The following NEXMIF variants were observed in gnomAD, a reference collection of about 807,000 sequenced individuals.
NEXMIF encodes neurite extension and migration factor.
A neutral mutation model predicts 62.1 loss-of-function variants in NEXMIF; 8 were observed. That is an observed-to-expected ratio of 0.13 (90% CI 0.08 to 0.23). The LOEUF is 0.23. Among genes scored for constraint, NEXMIF ranks in the 10% least tolerant of loss-of-function variants. NEXMIF has a pLI of 1.00. For synonymous variants in NEXMIF, 404 were observed against 416.6 expected, an observed-to-expected ratio of 0.97 and a Z score of 0.37; for missense variants, 976 against 1,113.3, an observed-to-expected ratio of 0.88 and a Z score of 1.75.
At chrX:74,870,328 A>C (rs1225139906) in intron 1 of NEXMIF, among the ~76,000 whole-genome samples, 1 of 111,461 alleles carries the variant, frequency 9.0e-6, no homozygotes, top group Non-Finnish European at 1.9e-5. Context: ...AAATCAAAAT[A>C]GATTAAAGAC....
At position 74,747,869 on chromosome X, in the gene NEXMIF, G is replaced by A. The variant is rs2010507; in HGVS notation, c.-47-2172C>T. ...GATCTCAAGCGATCCAACTGCCTCA[G>A]CCTCCTGAAGTGCTGGATTACAGGC... On this transcript the variant is annotated intron_variant, in intron 1 of 3. Coordinates refer to ENST00000055682, the MANE Select transcript of NEXMIF (RefSeq NM_001008537.3). 4.5e-3 allele frequency among the ~76,000 whole-genome samples: 504 copies of A among 112,192 alleles called. 3 individuals are homozygous for A. Among genetic ancestry groups the A allele is most frequent in the African/African-American group, 0.015 (471 of 30,944 alleles).
intron 1 of NEXMIF, among the ~76,000 whole-genome samples, chrX:74,871,953 C>A (rs963877505): frequency 1.8e-5 from 2 of 111,260 alleles, no homozygotes; most frequent in African/African-American, 6.5e-5. Context: ...ACATCCTCAG[C>A]TTACAAAGAT....
intron 1 of NEXMIF, among the ~76,000 whole-genome samples, chrX:74,838,155 T>C (rs945766180): frequency 1.8e-5 from 2 of 111,483 alleles, no homozygotes; most frequent in African/African-American, 3.3e-5. Context: ...AAGAATAAAA[T>C]ATTGAATCCA....
intron 1 of NEXMIF, 121 bp from the exon 2 acceptor site, chrX:74,745,818 T>G (rs1471759815): frequency 1.2e-5 from 5 of 426,757 alleles, no homozygotes; most frequent in Non-Finnish European, 1.6e-5. Context: ...CAGATTGACT[T>G]CATCACTGCT....
chrX:74,751,623 C>CCCTTCCTCCCTTCCTTCCTT (rs2080143006), intron 1 of NEXMIF, among the ~76,000 whole-genome samples: 4 of 87,303 alleles, frequency 4.6e-5, no homozygotes, highest in African/African-American at 1.9e-4. Context: ...TACCATCACG[C>CCCTTCCTCCCTTCCTTCCTT]CCTTCCTTCC....
At chrX:74,807,778 A>C (rs1443027361) in intron 1 of NEXMIF, among the ~76,000 whole-genome samples, 1 of 111,767 alleles carries the variant, frequency 8.9e-6, no homozygotes, top group Non-Finnish European at 1.9e-5. Flanking sequence ...TCCTTGTCTT[A>C]CTGAATTAGC....
chrX:74,908,137 A>G (rs1446869069), intron 1 of NEXMIF, among the ~76,000 whole-genome samples: 5 of 111,882 alleles, frequency 4.5e-5, no homozygotes, highest in African/African-American at 1.6e-4. Context: ...GATCAGAGAA[A>G]GGCTGAGGAA....
intron 1 of NEXMIF, among the ~76,000 whole-genome samples, chrX:74,874,832 T>C (rs1276336900): frequency 9.8e-6 from 1 of 102,421 alleles, no homozygotes; most frequent in Non-Finnish European, 2.0e-5. Context: ...GTGATTTTTG[T>C]ACATTGATTT....
In NEXMIF at chrX:74,739,271, G is replaced by A; in HGVS notation, c.*134C>T. 1 of 426,129 alleles carries A rather than the reference G, an allele frequency of 2.3e-6. No homozygotes were observed. Among genetic ancestry groups the A allele is most frequent in the South Asian group, 4.6e-5 (1 of 21,594 alleles). The allele number at this position is 426,129 out of a possible 1,213,427, so 35.1% of individuals were successfully genotyped here. On this transcript the variant is annotated 3_prime_UTR_variant, in exon 4 of 4. Coordinates refer to ENST00000055682, the MANE Select transcript of NEXMIF (RefSeq NM_001008537.3). ...CTTGTGCAACTGTATGACTTTTTAAGTCTTTTACATAGAACATGAGATTAA... is the reference window on the plus strand; with the variant it reads ...CTTGTGCAACTGTATGACTTTTTAAATCTTTTACATAGAACATGAGATTAA...
intron 1 of NEXMIF, among the ~76,000 whole-genome samples, chrX:74,824,713 A>G (rs1239088597): frequency 9.4e-6 from 1 of 106,763 alleles, no homozygotes; most frequent in East Asian, 3.0e-4. Context: ...CAGTGGTGCG[A>G]TCTTGGCTCA....
At chrX:74,892,952 A>AGC (rs2080722570) in intron 1 of NEXMIF, among the ~76,000 whole-genome samples, 1 of 111,668 alleles carries the variant, frequency 9.0e-6, no homozygotes. Context: ...AGAGAGAGAG[A>AGC]ATATGTATGT....
intron 1 of NEXMIF, among the ~76,000 whole-genome samples, chrX:74,796,170 A>AT (rs1224420998): frequency 8.1e-5 from 6 of 73,979 alleles, no homozygotes; most frequent in African/African-American, 3.3e-4. Flanking sequence ...TATTATATAT[A>AT]TTATATATAT....
intron 3 of NEXMIF, 195 bp downstream of exon 3, chrX:74,739,905 C>G (rs765329089): frequency 7.2e-6 from 3 of 416,397 alleles, no homozygotes; most frequent in Non-Finnish European, 1.2e-5. Context: ...ATTGCCCAAT[C>G]TTTTGGGTGG....
At position 74,735,841 on chromosome X, in the gene NEXMIF, G is replaced by A. The variant is rs1484767385; in HGVS notation, c.*3564C>T. 1 of 111,861 alleles carries A rather than the reference G, an allele frequency of 8.9e-6. No homozygotes were observed. The highest frequency in any genetic ancestry group is 1.9e-5 in the Non-Finnish European group (1 of 53,115). The allele number at this position is 111,861 out of a possible 1,213,427, so 9.2% of individuals were successfully genotyped here. A position where few individuals can be genotyped will look rare whatever the true frequency, so the allele number is the denominator to read the frequency against. On this transcript the variant is annotated 3_prime_UTR_variant, in exon 4 of 4. Transcript: ENST00000055682. ...TAAGAGACCTTGGCGAGGCAGAAAG[G>A]ATGGTCACTGGTTCAAGCCAGTTAT...
At chrX:74,856,853 TAGG>T (rs1201720588) in intron 1 of NEXMIF, among the ~76,000 whole-genome samples, 1 of 110,845 alleles carries the variant, frequency 9.0e-6, no homozygotes, top group East Asian at 2.8e-4. Context: ...TCTCTGTGCT[TAGG>T]AGAAGGAGAA....
At chrX:74,882,779 G>A (rs1340915703) in intron 1 of NEXMIF, among the ~76,000 whole-genome samples, 1 of 112,387 alleles carries the variant, frequency 8.9e-6, no homozygotes, top group Non-Finnish European at 1.9e-5. Context: ...GTCCCTGTCT[G>A]ACAGCTTTGA....
intron 1 of NEXMIF, among the ~76,000 whole-genome samples, chrX:74,807,176 G>A (rs1217698076): frequency 8.9e-6 from 1 of 112,151 alleles, no homozygotes; most frequent in African/African-American, 3.2e-5. Context: ...ATCCATGTAC[G>A]TGAAATATCT....
chrX:74,842,563 A>G (rs992382340), intron 1 of NEXMIF, among the ~76,000 whole-genome samples: 11 of 110,990 alleles, frequency 9.9e-5, no homozygotes, highest in Non-Finnish European at 1.5e-4. Flanking sequence ...TTGCGATGTT[A>G]GGTTGTTAAT....
At position 74,862,708 on chromosome X, in the gene NEXMIF, G is replaced by A. The variant is rs769646017; in HGVS notation, c.-48+62175C>T. On this transcript the variant is annotated intron_variant, in intron 1 of 3. Coordinates refer to ENST00000055682, the MANE Select transcript of NEXMIF (RefSeq NM_001008537.3). ...TCACTCAAAGTCACACAACTACATGGAAATTGAACAACCTGCTCCTGAATG... is the reference window on the plus strand; with the variant it reads ...TCACTCAAAGTCACACAACTACATGAAAATTGAACAACCTGCTCCTGAATG... 3.6e-5 allele frequency among the ~76,000 whole-genome samples: 4 copies of A among 111,809 alleles called. No homozygotes were observed. The Admixed American group carries it at 3.8e-4, about 11-fold the overall frequency.
Sources: gnomAD v4.1 joint callset for allele counts (sites outside exome capture counted in the v4.1 genomes callset) on GRCh38, gnomAD v4.1.1 for gene constraint, MANE v1.5 for transcripts, NCBI Gene and HGNC (gene_info 2026-07-23, HGNC 2026-07-21) for gene names.